KIF6: variants seen among roughly 807,000 people sequenced by gnomAD.
KIF6 encodes the protein kinesin family member 6.
KIF6 carries 106 observed loss-of-function variants against 112.7 expected under a neutral mutation model. That is an observed-to-expected ratio of 0.94 (90% CI 0.80 to 1.11). The LOEUF is 1.11. Among genes scored for constraint, KIF6 ranks in the 50% least tolerant of loss-of-function variants. The probability of loss-of-function intolerance (pLI) is 0.00; values close to 1 mark genes in which losing one functional copy is unlikely to be tolerated. For missense variants in KIF6, 929 were observed against 964.0 expected (o/e 0.96, Z 0.48); for synonymous variants, 339 against 339.9 (o/e 1.00, Z 0.03).
intron 13 of KIF6, among the ~76,000 whole-genome samples, chr6:39,514,582 G>T (rs2150515126): frequency 6.6e-6 from 1 of 152,272 alleles, no homozygotes; most frequent in Middle Eastern, 3.4e-3. Flanking sequence ...GAATAACCTT[G>T]CAATACAAAG....
intron 13 of KIF6, among the ~76,000 whole-genome samples, chr6:39,461,916 T>C (rs545642075): frequency 5.3e-5 from 8 of 152,364 alleles, no homozygotes; most frequent in Non-Finnish European, 1.0e-4. Context: ...TGTAGTCCTT[T>C]CAAAACAAGA....
chr6:39,473,876 G>A (rs1490369610), intron 13 of KIF6, among the ~76,000 whole-genome samples: 1 of 152,090 alleles, frequency 6.6e-6, no homozygotes, highest in African/African-American at 2.4e-5. Flanking sequence ...GAGTATGGTA[G>A]AAAACTCAGG....
intron 6 of KIF6, among the ~76,000 whole-genome samples, chr6:39,600,577 C>T (rs1315669727): frequency 2.6e-5 from 4 of 152,116 alleles, no homozygotes; most frequent in African/African-American, 7.2e-5. Flanking sequence ...TCTAGGAGCT[C>T]GCCACCCTCT....
chr6:39,662,646 G>C (rs894907155), intron 3 of KIF6, among the ~76,000 whole-genome samples: 2 of 152,158 alleles, frequency 1.3e-5, no homozygotes, highest in Non-Finnish European at 2.9e-5. Flanking sequence ...GGCTAAGGCA[G>C]AAGGATTGCT....
intron 15 of KIF6, among the ~76,000 whole-genome samples, chr6:39,393,544 A>C (rs564619459): frequency 1.3e-5 from 2 of 152,346 alleles, no homozygotes; most frequent in South Asian, 4.1e-4. Flanking sequence ...GGATAAAAGA[A>C]GTAATAGCAT....
chr6:39,663,425 TAGTC>T (rs984442028), intron 3 of KIF6, among the ~76,000 whole-genome samples: 2 of 151,928 alleles, frequency 1.3e-5, no homozygotes, highest in African/African-American at 4.8e-5. Flanking sequence ...GAAATAAAAG[TAGTC>T]AGTCCCAGAG....
intron 13 of KIF6, among the ~76,000 whole-genome samples, chr6:39,502,151 C>G (rs1776168547): frequency 1.3e-5 from 2 of 152,060 alleles, no homozygotes. Context: ...CAGTGGTAAC[C>G]CTACAAGCCG....
intron 15 of KIF6, among the ~76,000 whole-genome samples, chr6:39,399,701 C>A (rs1581767415): frequency 6.6e-6 from 1 of 152,200 alleles, no homozygotes; most frequent in South Asian, 2.1e-4. Context: ...TTGGAGCAGG[C>A]CTGCCTGAGG....
chr6:39,343,141 G>A lies in KIF6; in HGVS notation c.2428+568C>T, dbSNP rs928955885. 17 of 985,390 alleles carry A rather than the reference G, an allele frequency of 1.7e-5. No individual in the cohort carries two copies. Among genetic ancestry groups the A allele is most frequent in the South Asian group, 1.4e-4 (3 of 21,278 alleles). The allele number at this position is 985,390 out of a possible 1,614,324, so 61.0% of individuals were successfully genotyped here. ...GGAGATGGGCAGCTGCCAAGAGGAC[G>A]GGGCTGGGGGTGGAGGGGGCAGTGA... On this transcript the variant is annotated intron_variant, in intron 22 of 22. Transcript: ENST00000287152. The surrounding 1 kb of genome is among the most constrained non-coding windows in gnomAD (Gnocchi z 4.1).
chr6:39,693,457 G>A (rs1009339670), intron 3 of KIF6, among the ~76,000 whole-genome samples: 9 of 152,174 alleles, frequency 5.9e-5, no homozygotes, highest in Non-Finnish European at 1.3e-4. Flanking sequence ...ATGTGACTAA[G>A]TTATGGCTAA....
At chr6:39,550,395 C>T (rs1463118187) in intron 10 of KIF6, among the ~76,000 whole-genome samples, 1 of 151,694 alleles carries the variant, frequency 6.6e-6, no homozygotes, top group Non-Finnish European at 1.5e-5. Context: ...GAGGTGTGCC[C>T]CAGGAGTGGG....
At chr6:39,689,117 CA>C (rs1356391413) in intron 3 of KIF6, among the ~76,000 whole-genome samples, 1 of 145,756 alleles carries the variant, frequency 6.9e-6, no homozygotes, top group African/African-American at 2.5e-5. Context: ...ACGCTGTCTG[CA>C]AAAAAAAGAG....
intron 3 of KIF6, among the ~76,000 whole-genome samples, chr6:39,672,653 G>T (rs928992280): frequency 3.3e-5 from 5 of 152,120 alleles, no homozygotes; most frequent in African/African-American, 9.7e-5. Flanking sequence ...GGCTTGACAG[G>T]GTTTGGTTTC....
intron 10 of KIF6, among the ~76,000 whole-genome samples, chr6:39,576,207 C>T (rs1453766741): frequency 6.6e-6 from 1 of 152,024 alleles, no homozygotes; most frequent in Non-Finnish European, 1.5e-5. Flanking sequence ...TCACTGTAAC[C>T]TCTGCCTCCC....
In KIF6 at chr6:39,497,035, C is replaced by T. The variant is rs1246551018; in HGVS notation, c.1645+42968G>A. 3.3e-5 allele frequency among the ~76,000 whole-genome samples: 5 copies of T among 152,390 alleles called. No individual in the cohort carries two copies. The East Asian group carries it at 5.8e-4, about 18-fold the overall frequency. ...TGCCTTGCCCGCCTTTGCAGGCAGG[C>T]TTCAGTGCAGGAGCCGTGTGGCCAT... On this transcript the variant is annotated intron_variant, in intron 13 of 22. Coordinates refer to ENST00000287152, the MANE Select transcript of KIF6 (RefSeq NM_145027.6).
intron 9 of KIF6, among the ~76,000 whole-genome samples, chr6:39,579,709 C>T (rs982214340): frequency 2.0e-5 from 3 of 151,820 alleles, no homozygotes; most frequent in South Asian, 2.1e-4. Flanking sequence ...TTGATTTTCA[C>T]ATTTAGGTGG....
At chr6:39,716,232 C>T (rs562095711) in intron 2 of KIF6, among the ~76,000 whole-genome samples, 117 of 152,144 alleles carry the variant, frequency 7.7e-4, no homozygotes, top group African/African-American at 2.7e-3. Context: ...ATTCCACAAA[C>T]ACATACTGAG....
chr6:39,586,423 A>G lies in KIF6; in HGVS notation c.847-19T>C, dbSNP rs751208969. Reference sequence around the variant, plus strand: ...TGATAACCTGTGGTAAAGTAGAAAGATAATGGGATTAATTTAGCAAGAAAA... The same window carrying G: ...TGATAACCTGTGGTAAAGTAGAAAGGTAATGGGATTAATTTAGCAAGAAAA... On this transcript the variant is annotated intron_variant, in intron 7 of 22. Transcript: ENST00000287152. 1.2e-5 allele frequency: 19 copies of G among 1,608,768 alleles called. 1 individual carries two copies. In the South Asian group the frequency reaches 2.1e-4, roughly 18 times the overall value.
intron 3 of KIF6, among the ~76,000 whole-genome samples, chr6:39,645,008 C>A (rs1785093466): frequency 6.6e-6 from 1 of 152,080 alleles, no homozygotes; most frequent in Admixed American, 6.6e-5. Flanking sequence ...CATTTTTGTT[C>A]AGAAGTATTT....
Sources: gnomAD v4.1 joint callset for allele counts (sites outside exome capture counted in the v4.1 genomes callset) on GRCh38, gnomAD v4.1.1 for gene constraint, Gnocchi (gnomAD v3.1) non-coding constraint, MANE v1.5 for transcripts, NCBI Gene and HGNC (gene_info 2026-07-23, HGNC 2026-07-21) for gene names.